GRM3: variants seen among roughly 807,000 people sequenced by gnomAD.
GRM3 encodes the protein glutamate metabotropic receptor 3.
A neutral mutation model predicts 70.5 loss-of-function variants in GRM3; 26 were observed. The ratio of observed to expected loss-of-function variants is 0.37; its 90% confidence interval spans 0.27 to 0.51. The LOEUF (loss-of-function observed/expected upper bound fraction) is 0.51, where lower values mean the gene tolerates loss of function less well. GRM3 is among the 20% of genes least tolerant of loss of function. GRM3 has a pLI of 0.93. For missense variants in GRM3, 859 were observed against 1,123.8 expected (o/e 0.76, Z 3.37); for synonymous variants, 443 against 434.9 (o/e 1.02, Z -0.23).
chr7:86,698,539 A>ATATATATATATATATATATATATATATAT (rs1562829891), intron 1 of GRM3, among the ~76,000 whole-genome samples: 20 of 139,634 alleles, frequency 1.4e-4, no homozygotes, highest in African/African-American at 5.7e-4. Context: ...TATATATATA[A>ATATATATATATATATATATATATATATAT]AATACACATT....
intron 1 of GRM3, among the ~76,000 whole-genome samples, chr7:86,711,481 T>G (rs1584185729): frequency 6.6e-6 from 1 of 152,094 alleles, no homozygotes; most frequent in African/African-American, 2.4e-5. Context: ...ATAAATTCCT[T>G]CATCATTTCC....
chr7:86,847,373 C>A (rs1798674522), intron 4 of GRM3, among the ~76,000 whole-genome samples: 1 of 152,054 alleles, frequency 6.6e-6, no homozygotes, highest in African/African-American at 2.4e-5. Flanking sequence ...GCATTTGGTG[C>A]CACTTAAACA....
At chr7:86,690,491 A>G (rs973454933) in intron 1 of GRM3, among the ~76,000 whole-genome samples, 2 of 152,144 alleles carry the variant, frequency 1.3e-5, no homozygotes, top group Admixed American at 1.3e-4. Context: ...AAAGTGAGAG[A>G]TAATGCTTGC....
intron 1 of GRM3, among the ~76,000 whole-genome samples, chr7:86,754,968 C>T (rs990285990): frequency 2.0e-5 from 3 of 152,094 alleles, no homozygotes; most frequent in Non-Finnish European, 4.4e-5. Context: ...AGCCACTCTA[C>T]CAGAGAGAGG....
At chr7:86,702,242 T>C (rs1038495859) in intron 1 of GRM3, among the ~76,000 whole-genome samples, 1 of 152,014 alleles carries the variant, frequency 6.6e-6, no homozygotes, top group East Asian at 1.9e-4. Flanking sequence ...CTGGGGATTA[T>C]CTCAGTCCTT....
At chr7:86,648,933 G>C (rs1226409472) in intron 1 of GRM3, among the ~76,000 whole-genome samples, 3 of 152,048 alleles carry the variant, frequency 2.0e-5, no homozygotes, top group Admixed American at 6.6e-5. Context: ...CAGGAAATAA[G>C]TTCCTAGGTT....
intron 2 of GRM3, among the ~76,000 whole-genome samples, chr7:86,780,900 A>C (rs930753113): frequency 1.3e-5 from 2 of 152,210 alleles, no homozygotes; most frequent in Non-Finnish European, 1.5e-5. Context: ...TCAGAACAAA[A>C]AAACAGACAA....
At chr7:86,739,750 C>A (rs1003512140) in intron 1 of GRM3, among the ~76,000 whole-genome samples, 5 of 152,128 alleles carry the variant, frequency 3.3e-5, no homozygotes, top group Non-Finnish European at 7.3e-5. Flanking sequence ...ACTGAATGCA[C>A]CTTTTGGAAA....
intron 3 of GRM3, among the ~76,000 whole-genome samples, chr7:86,804,440 G>T (rs537139304): frequency 6.6e-6 from 1 of 152,234 alleles, no homozygotes; most frequent in South Asian, 2.1e-4. Context: ...ATGGAGTCTT[G>T]CTCTTGTCGC....
At chr7:86,731,628 G>T (rs58016399) in intron 1 of GRM3, among the ~76,000 whole-genome samples, 1 of 152,126 alleles carries the variant, frequency 6.6e-6, no homozygotes, top group Admixed American at 6.5e-5. Context: ...AATATTGTCA[G>T]ATTGGATTGG....
chr7:86,856,452 C>CAAAA (rs572172399), intron 5 of GRM3, among the ~76,000 whole-genome samples: 1 of 67,576 alleles, frequency 1.5e-5, no homozygotes. Flanking sequence ...TCGCCCTCTG[C>CAAAA]AAAAAAAAAA....
At chr7:86,763,015 G>C (rs527356711) in intron 1 of GRM3, among the ~76,000 whole-genome samples, 3 of 152,212 alleles carry the variant, frequency 2.0e-5, no homozygotes, top group Non-Finnish European at 4.4e-5. Context: ...TTAAATCTGT[G>C]GGCAAGGGAA....
At chr7:86,709,921 T>A (rs1048263712) in intron 1 of GRM3, among the ~76,000 whole-genome samples, 2 of 152,116 alleles carry the variant, frequency 1.3e-5, no homozygotes, top group African/African-American at 2.4e-5. Context: ...GAAACATTTG[T>A]CCTTGTAGGG....
chr7:86,668,100 A>G (rs921399546), intron 1 of GRM3, among the ~76,000 whole-genome samples: 1 of 151,966 alleles, frequency 6.6e-6, no homozygotes, highest in Non-Finnish European at 1.5e-5. Context: ...TAGATTCTTA[A>G]CTCAGGTGTG....
chr7:86,794,679 A>G (rs1208705748), intron 3 of GRM3, among the ~76,000 whole-genome samples: 2 of 152,170 alleles, frequency 1.3e-5, no homozygotes, highest in Non-Finnish European at 2.9e-5. Context: ...ATCAGCAGGC[A>G]AGGTTAGCTA....
At chr7:86,809,760 A>G (rs1797872082) in intron 3 of GRM3, among the ~76,000 whole-genome samples, 1 of 152,054 alleles carries the variant, frequency 6.6e-6, no homozygotes. Flanking sequence ...GCAAGCGTGT[A>G]TTTTGAAAGG....
chr7:86,752,789 T>C (rs1796259890), intron 1 of GRM3, among the ~76,000 whole-genome samples: 1 of 152,072 alleles, frequency 6.6e-6, no homozygotes, highest in Non-Finnish European at 1.5e-5. Context: ...TATTCTTCTT[T>C]TGACATTAGG....
chr7:86,752,220 T>C (rs1796247025), intron 1 of GRM3, among the ~76,000 whole-genome samples: 1 of 152,108 alleles, frequency 6.6e-6, no homozygotes, highest in South Asian at 2.1e-4. Context: ...TACAATACTG[T>C]AGATAACTTT....
At chr7:86,741,034 A>T (rs577479867) in intron 1 of GRM3, among the ~76,000 whole-genome samples, 72 of 152,196 alleles carry the variant, frequency 4.7e-4, no homozygotes, top group African/African-American at 1.7e-3. Flanking sequence ...GAAAACCATC[A>T]TCTCTCTCCC....
Sources: gnomAD v4.1 joint callset for allele counts (sites outside exome capture counted in the v4.1 genomes callset) on GRCh38, gnomAD v4.1.1 for gene constraint, MANE v1.5 for transcripts, NCBI Gene and HGNC (gene_info 2026-07-23, HGNC 2026-07-21) for gene names.